CDK17: variants seen among roughly 807,000 people sequenced by gnomAD.
CDK17 encodes cyclin-dependent kinase 17.
Under a neutral mutation model 77.6 loss-of-function variants are expected in CDK17, and 24 were observed. That is an observed-to-expected ratio of 0.31 (90% CI 0.22 to 0.44). The LOEUF (loss-of-function observed/expected upper bound fraction) is 0.44, where lower values mean the gene tolerates loss of function less well. CDK17 is among the 20% of genes least tolerant of loss of function. CDK17 has a pLI of 1.00. For missense variants in CDK17, 429 were observed against 622.5 expected (o/e 0.69, Z 3.31); for synonymous variants, 203 against 210.4 (o/e 0.96, Z 0.30).
At chr12:96,390,310 T>G (rs1202743766) in intron 1 of CDK17, among the ~76,000 whole-genome samples, 1 of 151,218 alleles carries the variant, frequency 6.6e-6, no homozygotes, top group Non-Finnish European at 1.5e-5. Flanking sequence ...TTTGTATTTT[T>G]TAGTAGAGAC....
At chr12:96,301,229 T>C (rs868131521) in intron 5 of CDK17, among the ~76,000 whole-genome samples, 7 of 87,312 alleles carry the variant, frequency 8.0e-5, no homozygotes, top group South Asian at 3.8e-4. Flanking sequence ...ACACCCCCCC[T>C]CAACACTCGG....
At chr12:96,323,522 C>G (rs998981118) in intron 3 of CDK17, among the ~76,000 whole-genome samples, 1 of 151,990 alleles carries the variant, frequency 6.6e-6, no homozygotes, top group Non-Finnish European at 1.5e-5. Flanking sequence ...GAGGAATAAA[C>G]AGAAACTTGC....
chr12:96,382,040 A>C (rs983311190), intron 1 of CDK17, among the ~76,000 whole-genome samples: 2 of 152,168 alleles, frequency 1.3e-5, no homozygotes, highest in African/African-American at 4.8e-5. Flanking sequence ...CAACAGAGAT[A>C]TCAGAAAAGG....
intron 9 of CDK17, among the ~76,000 whole-genome samples, chr12:96,296,233 CTTGTT>C (rs1300448640): frequency 1.3e-5 from 2 of 152,016 alleles, no homozygotes; most frequent in African/African-American, 2.4e-5. Context: ...CATCAAGGAC[CTTGTT>C]TTATTTTCAA....
chr12:96,359,854 T>G (rs376902994), intron 1 of CDK17, among the ~76,000 whole-genome samples: 4 of 152,144 alleles, frequency 2.6e-5, no homozygotes, highest in Non-Finnish European at 5.9e-5. Context: ...GATAAGTACA[T>G]AGAAATTTCA....
At chr12:96,331,853 T>G (rs1168925548) in intron 2 of CDK17, among the ~76,000 whole-genome samples, 1 of 152,170 alleles carries the variant, frequency 6.6e-6, no homozygotes, top group Non-Finnish European at 1.5e-5. Flanking sequence ...ATCATGCCTG[T>G]GACTAATCAA....
At chr12:96,308,556 A>T (rs1331568624) in intron 5 of CDK17, among the ~76,000 whole-genome samples, 1 of 151,594 alleles carries the variant, frequency 6.6e-6, no homozygotes, top group African/African-American at 2.4e-5. Context: ...TGGTGAAATC[A>T]CATCTCTACT....
intron 10 of CDK17, among the ~76,000 whole-genome samples, chr12:96,294,467 C>A (rs1272738485): frequency 6.6e-6 from 1 of 151,464 alleles, no homozygotes; most frequent in East Asian, 1.9e-4. Flanking sequence ...CCTGTAATCC[C>A]AGCTACTTGG....
rs1004355813 is a variant in CDK17 at position 96,361,565 on chromosome 12, T to C, written c.-29-26700A>G. Among the ~76,000 whole-genome samples, 5 of 152,362 alleles carry C rather than the reference T, an allele frequency of 3.3e-5. No individual in the cohort carries two copies. The East Asian group carries it at 9.6e-4, about 29-fold the overall frequency. ...TTTAAGGTAATATTTTGCAAATATTTAGAGTTACAAAATCTAGTTAAACTA... is the reference window on the plus strand; with the variant it reads ...TTTAAGGTAATATTTTGCAAATATTCAGAGTTACAAAATCTAGTTAAACTA... On this transcript the variant is annotated intron_variant, in intron 1 of 16. Coordinates refer to ENST00000261211, the MANE Select transcript of CDK17 (RefSeq NM_002595.5).
At position 96,400,280 on chromosome 12, in the gene CDK17, C is replaced by G. The variant is rs986578687; in HGVS notation, c.-324G>C. The stretch of plus-strand genomic sequence containing the variant: ...CACTAATCCCCTCGGAGCAGCCGGG[C>G]GCGAGCGCGGCGGGCGCCGACGGCG... On this transcript the variant is annotated 5_prime_UTR_variant, in exon 1 of 17. Transcript: ENST00000261211. 1 of 391,894 alleles carries G rather than the reference C, an allele frequency of 2.6e-6. No homozygotes were observed. The highest frequency in any genetic ancestry group is 4.4e-5 in the Admixed American group (1 of 22,476). The allele number at this position is 391,894 out of a possible 1,614,324, so 24.3% of individuals were successfully genotyped here.
chr12:96,308,175 G>A (rs893701215), intron 5 of CDK17, among the ~76,000 whole-genome samples: 1 of 145,544 alleles, frequency 6.9e-6, no homozygotes, highest in Non-Finnish European at 1.5e-5. Context: ...CAGAAGGACC[G>A]CTTGAGCCCA....
At chr12:96,280,912 G>A in intron 15 of CDK17, 27 bp from the exon 16 acceptor site, 1 of 1,574,852 alleles carries the variant, frequency 6.3e-7, no homozygotes, top group Non-Finnish European at 8.7e-7. Context: ...AAAATTATTA[G>A]GTGAAGGTCT....
chr12:96,345,925 T>G (rs570950269), intron 1 of CDK17, among the ~76,000 whole-genome samples: 32 of 152,242 alleles, frequency 2.1e-4, no homozygotes, highest in African/African-American at 6.7e-4. Context: ...ACTAGAAAAA[T>G]TAGTTCTTCC....
intron 1 of CDK17, among the ~76,000 whole-genome samples, chr12:96,347,697 T>C (rs1047272530): frequency 8.6e-5 from 13 of 150,750 alleles, no homozygotes; most frequent in African/African-American, 3.2e-4. Context: ...ATACCTATTG[T>C]ATTAGACCTA....
chr12:96,359,524 T>C (rs1953461355), intron 1 of CDK17, among the ~76,000 whole-genome samples: 2 of 152,326 alleles, frequency 1.3e-5, no homozygotes, highest in East Asian at 1.9e-4. Flanking sequence ...TCTGGGGTAT[T>C]ACACATTACT....
intron 2 of CDK17, among the ~76,000 whole-genome samples, chr12:96,331,319 T>A (rs1952963285): frequency 1.3e-5 from 2 of 152,180 alleles, no homozygotes; most frequent in Admixed American, 1.3e-4. Context: ...GGCTCAAAAT[T>A]CTTTTTCTTC....
chr12:96,296,476 C>T (rs1207848964), intron 9 of CDK17, among the ~76,000 whole-genome samples: 2 of 152,168 alleles, frequency 1.3e-5, no homozygotes, highest in South Asian at 4.1e-4. Flanking sequence ...TTATAACCAC[C>T]AAACTTAATA....
chr12:96,384,754 T>C (rs1404525195), intron 1 of CDK17, among the ~76,000 whole-genome samples: 1 of 152,140 alleles, frequency 6.6e-6, no homozygotes, highest in Non-Finnish European at 1.5e-5. Context: ...GGGTGGCTAA[T>C]GCCTGTAATG....
At chr12:96,291,122 C>A (rs1023493912) in intron 10 of CDK17, among the ~76,000 whole-genome samples, 105 of 131,660 alleles carry the variant, frequency 8.0e-4, no homozygotes, top group African/African-American at 2.2e-3. Flanking sequence ...ACTATGCAAC[C>A]AAAAAAAAAA....
Sources: allele counts gnomAD v4.1 joint callset (sites outside exome capture counted in the v4.1 genomes callset), GRCh38; gene constraint gnomAD v4.1.1; transcripts MANE v1.5; gene names NCBI Gene and HGNC (gene_info 2026-07-23, HGNC 2026-07-21).